The following NR3C2 variants were observed in gnomAD, a reference collection of about 807,000 sequenced individuals.
The protein encoded by NR3C2 is nuclear receptor subfamily 3 group C member 2.
Under a neutral mutation model 86.4 loss-of-function variants are expected in NR3C2, and 15 were observed. The observed-to-expected ratio is 0.17, with a 90% CI of 0.12 to 0.27. The LOEUF (loss-of-function observed/expected upper bound fraction) is 0.27, where lower values mean the gene tolerates loss of function less well. Ranked by LOEUF, NR3C2 falls within the 10% of genes least tolerant of loss-of-function variation. The pLI, the probability that NR3C2 is intolerant of heterozygous loss-of-function variation, is 1.00. For synonymous variants in NR3C2, 458 were observed against 450.5 expected, an observed-to-expected ratio of 1.02 and a Z score of -0.21; for missense variants, 960 against 1,195.6, an observed-to-expected ratio of 0.80 and a Z score of 2.91.
In NR3C2 at chr4:148,080,907, T is replaced by C. The variant is rs1268250870; in HGVS notation, c.*437A>G. ...TTGTGTTTTTTTAATAACAAAAGAA[T>C]ATTAATGCCCCATATTGACTATACG... On this transcript the variant is annotated 3_prime_UTR_variant, in exon 9 of 9. Transcript: ENST00000358102. The C allele has an allele frequency of 5.8e-6, 2 of 344,630 alleles. No individual in the cohort carries two copies. Among genetic ancestry groups the C allele is most frequent in the Admixed American group, 6.9e-5 (2 of 29,166 alleles). 21.3% of individuals were successfully genotyped at this position (344,630 alleles called of 1,614,324 possible). A position where few individuals can be genotyped will look rare whatever the true frequency, so the allele number is the denominator to read the frequency against.
intron 2 of NR3C2, among the ~76,000 whole-genome samples, chr4:148,303,253 C>G (rs919470953): frequency 2.0e-5 from 3 of 152,124 alleles, no homozygotes; most frequent in Non-Finnish European, 4.4e-5. Context: ...TTTAGACTAA[C>G]CCTGCTTATT....
intron 2 of NR3C2, among the ~76,000 whole-genome samples, chr4:148,336,611 GAAGT>G (rs1234119300): frequency 1.3e-5 from 2 of 152,114 alleles, no homozygotes; most frequent in Non-Finnish European, 2.9e-5. Context: ...GGCCCCAGGA[GAAGT>G]AAGCTACAGC....
chr4:148,279,378 A>T (rs1741122250), intron 2 of NR3C2, among the ~76,000 whole-genome samples: 1 of 152,236 alleles, frequency 6.6e-6, no homozygotes, highest in Admixed American at 6.5e-5. Flanking sequence ...ACAGAACACT[A>T]AATGAAGGCA....
In NR3C2 at chr4:148,079,788, AT is replaced by A. The variant is rs1282598182; in HGVS notation, c.*1555del. ...TATTTTTAAAACCTACCTTTTAAAA[AT>A]CTAAAACCCCTCTATCTCCCGGTCT... On this transcript the variant is annotated 3_prime_UTR_variant, in exon 9 of 9. Coordinates refer to ENST00000358102, the MANE Select transcript of NR3C2 (RefSeq NM_000901.5). The A allele has an allele frequency of 3.3e-5, 5 of 152,572 alleles. No individual in the cohort carries two copies. The highest frequency in any genetic ancestry group is 5.9e-5 in the Non-Finnish European group (4 of 68,048). The allele number at this position is 152,572 out of a possible 1,614,324, so 9.5% of individuals were successfully genotyped here.
chr4:148,082,363 C>T (rs1444043293), intron 8 of NR3C2, among the ~76,000 whole-genome samples: 1 of 152,190 alleles, frequency 6.6e-6, no homozygotes, highest in Non-Finnish European at 1.5e-5. Context: ...AACTGAGGTA[C>T]CCGGCTTATC....
At chr4:148,419,493 A>G (rs982332905) in intron 2 of NR3C2, among the ~76,000 whole-genome samples, 1 of 152,236 alleles carries the variant, frequency 6.6e-6, no homozygotes, top group African/African-American at 2.4e-5. Context: ...CTCAGTGAAA[A>G]GGCCAAAGAA....
chr4:148,275,562 C>T (rs1181648877), intron 2 of NR3C2, among the ~76,000 whole-genome samples: 2 of 152,054 alleles, frequency 1.3e-5, no homozygotes, highest in Non-Finnish European at 1.5e-5. Flanking sequence ...CCACAAGTAG[C>T]TGGGATTACA....
At chr4:148,205,723 T>G (rs1289928596) in intron 3 of NR3C2, among the ~76,000 whole-genome samples, 1 of 152,134 alleles carries the variant, frequency 6.6e-6, no homozygotes, top group East Asian at 1.9e-4. Context: ...GGCACATGAA[T>G]AAGTGCTAAG....
chr4:148,384,918 T>C (rs1251820021), intron 2 of NR3C2, among the ~76,000 whole-genome samples: 1 of 152,188 alleles, frequency 6.6e-6, no homozygotes, highest in East Asian at 1.9e-4. Flanking sequence ...GCACAAAACC[T>C]GTACAACTCT....
At chr4:148,127,233 T>C (rs754822479) in intron 6 of NR3C2, among the ~76,000 whole-genome samples, 2 of 151,468 alleles carry the variant, frequency 1.3e-5, no homozygotes, top group Non-Finnish European at 2.9e-5. Flanking sequence ...TTTTGTGCAA[T>C]TGTGCATTTT....
At chr4:148,151,061 T>C (rs1734080120) in intron 6 of NR3C2, among the ~76,000 whole-genome samples, 1 of 152,142 alleles carries the variant, frequency 6.6e-6, no homozygotes, top group African/African-American at 2.4e-5. Context: ...ATGAAAAGTA[T>C]TGGATGTGGA....
intron 3 of NR3C2, among the ~76,000 whole-genome samples, chr4:148,220,325 T>A (rs370078680): frequency 6.6e-6 from 1 of 152,092 alleles, no homozygotes; most frequent in African/African-American, 2.4e-5. Context: ...TGGCCTCAAG[T>A]GATCCTGCCA....
intron 3 of NR3C2, among the ~76,000 whole-genome samples, chr4:148,205,515 C>CT (rs1326409563): frequency 6.6e-6 from 1 of 152,150 alleles, no homozygotes; most frequent in Non-Finnish European, 1.5e-5. Context: ...TAAATATGTT[C>CT]TGTTTGTTAA....
At position 148,121,943 on chromosome 4, in the gene NR3C2, G is replaced by A. The variant is rs372099934; in HGVS notation, c.2511-1655C>T. On this transcript the variant is annotated intron_variant, in intron 6 of 8. Transcript: ENST00000358102. ...ATGATGCCCAAGGAATATCCTTGTC[G>A]TTTCTACAGGATACAGAATGAAAAC... Among the ~76,000 whole-genome samples the A allele has an allele frequency of 1.8e-4, 27 of 152,186 alleles. No homozygotes were observed. In the South Asian group the frequency reaches 1.9e-3, roughly 11 times the overall value.
intron 2 of NR3C2, among the ~76,000 whole-genome samples, chr4:148,313,124 T>C (rs1668481197): frequency 6.6e-6 from 1 of 152,188 alleles, no homozygotes; most frequent in Admixed American, 6.5e-5. Context: ...TAGAACATGA[T>C]GGATAATTTA....
chr4:148,259,522 A>G (rs1739991553), intron 3 of NR3C2, among the ~76,000 whole-genome samples: 1 of 152,224 alleles, frequency 6.6e-6, no homozygotes, highest in African/African-American at 2.4e-5. Flanking sequence ...ACCAGCTGGT[A>G]AATGAAATTA....
At chr4:148,421,373 C>T (rs1183297665) in intron 2 of NR3C2, among the ~76,000 whole-genome samples, 1 of 152,168 alleles carries the variant, frequency 6.6e-6, no homozygotes, top group Non-Finnish European at 1.5e-5. Flanking sequence ...TTTCACATAG[C>T]AGTGTATTCG....
intron 3 of NR3C2, among the ~76,000 whole-genome samples, chr4:148,239,694 C>T (rs375389155): frequency 7.2e-5 from 11 of 152,180 alleles, no homozygotes; most frequent in South Asian, 4.1e-4. Flanking sequence ...CTGTAAGAAG[C>T]GGTATGAGGT....
intron 3 of NR3C2, among the ~76,000 whole-genome samples, chr4:148,211,915 C>T (rs1372557638): frequency 6.6e-6 from 1 of 152,178 alleles, no homozygotes; most frequent in East Asian, 1.9e-4. Flanking sequence ...ATAATGGAGG[C>T]TTTGTCAATT....
Sources: allele counts gnomAD v4.1 joint callset (sites outside exome capture counted in the v4.1 genomes callset), GRCh38; gene constraint gnomAD v4.1.1; transcripts MANE v1.5; gene names NCBI Gene and HGNC (gene_info 2026-07-23, HGNC 2026-07-21).